The following GRM8 variants were observed in gnomAD, a reference collection of about 807,000 sequenced individuals.
GRM8 encodes the protein glutamate metabotropic receptor 8, also known as metabotropic glutamate receptor 8.
A neutral mutation model predicts 87.2 loss-of-function variants in GRM8; 47 were observed. The observed-to-expected ratio is 0.54, with a 90% confidence interval of 0.43 to 0.69. The LOEUF is 0.69. Ranked by LOEUF, GRM8 falls within the 30% of genes least tolerant of loss-of-function variation. The pLI is 0.00. For synonymous variants in GRM8, 396 were observed against 404.5 expected (o/e 0.98, Z 0.25); for missense variants, 1,019 against 1,139.2 (o/e 0.89, Z 1.52).
rs928460430 is a variant in GRM8, at chr7:127,247,890, T to G, written c.-311-4375A>C. ...GATTTTGTTTGCAAGTTGAGTGACT[T>G]TTTTTCATCAGTGAGAGGATTGTGA... is the stretch of plus-strand genomic sequence containing the variant. On this transcript the variant is annotated intron_variant, in intron 1 of 10. Coordinates refer to ENST00000339582, the MANE Select transcript of GRM8 (RefSeq NM_000845.3). 2.6e-5 allele frequency among the ~76,000 whole-genome samples: 4 copies of G among 152,290 alleles called. No homozygotes were observed. The East Asian group carries it at 5.8e-4, about 22-fold the overall frequency.
intron 3 of GRM8, among the ~76,000 whole-genome samples, chr7:127,031,696 AATC>A (rs1348344349): frequency 9.9e-5 from 15 of 152,184 alleles, no homozygotes; most frequent in Admixed American, 2.6e-4. Flanking sequence ...TTCATAAAAA[AATC>A]ATCGAGTTAT....
At chr7:126,937,685 C>T (rs539069160) in intron 3 of GRM8, among the ~76,000 whole-genome samples, 8 of 152,296 alleles carry the variant, frequency 5.3e-5, no homozygotes, top group Non-Finnish European at 7.4e-5. Context: ...AACAACAAAG[C>T]GCTAACTCCT....
chr7:127,112,038 A>T (rs1032255097), intron 2 of GRM8: 1 of 150,100 alleles, frequency 6.7e-6, no homozygotes, highest in Non-Finnish European at 1.5e-5. Flanking sequence ...AAAAAAAAAC[A>T]CAAAATAGAT....
intron 7 of GRM8, among the ~76,000 whole-genome samples, chr7:126,757,055 T>C (rs750994441): frequency 1.3e-5 from 2 of 152,168 alleles, no homozygotes; most frequent in Non-Finnish European, 2.9e-5. Flanking sequence ...AAATAATTTC[T>C]TCAGCTTTAA....
At chr7:126,702,123 C>T (rs1475920898) in intron 7 of GRM8, among the ~76,000 whole-genome samples, 1 of 152,180 alleles carries the variant, frequency 6.6e-6, no homozygotes. Context: ...CTAGCATTCG[C>T]ACATGCCAAG....
chr7:126,462,056 T>C lies in GRM8; in HGVS notation c.2431-15684A>G, dbSNP rs1030991002. ...TGGAAGTGGCTTGCCAGGCAGCCTTTCAAGGTACCAAAATTAATATAAATG... is the reference window on the plus strand; with the variant it reads ...TGGAAGTGGCTTGCCAGGCAGCCTTCCAAGGTACCAAAATTAATATAAATG... On this transcript the variant is annotated intron_variant, in intron 9 of 10. Coordinates refer to ENST00000339582, the MANE Select transcript of GRM8 (RefSeq NM_000845.3). Among the ~76,000 whole-genome samples, 3 of 151,638 alleles carry C rather than the reference T, an allele frequency of 2.0e-5. No individual in the cohort carries two copies. The Admixed American group carries it at 2.0e-4, about 10-fold the overall frequency.
chr7:127,242,639 G>A (rs1313138314), intron 2 of GRM8, 56 bp downstream of exon 2: 2 of 1,499,124 alleles, frequency 1.3e-6, no homozygotes, highest in Non-Finnish European at 1.8e-6. Flanking sequence ...TGCAGTAGGA[G>A]TCATAGCATT....
chr7:126,987,229 AC>A (rs1426575897), intron 3 of GRM8, among the ~76,000 whole-genome samples: 2 of 152,082 alleles, frequency 1.3e-5, no homozygotes, highest in Admixed American at 6.6e-5. Flanking sequence ...GATCTCAAAC[AC>A]CTAAGGAGAC....
At chr7:126,547,316 T>C (rs1406647565) in intron 8 of GRM8, among the ~76,000 whole-genome samples, 3 of 152,236 alleles carry the variant, frequency 2.0e-5, no homozygotes, top group African/African-American at 7.2e-5. Flanking sequence ...ATAGTCTTTT[T>C]CCCCAATGCA....
chr7:126,634,782 G>A (rs2299483), intron 7 of GRM8, among the ~76,000 whole-genome samples: 46,813 of 151,966 alleles, frequency 0.31, 8,072 homozygotes, highest in East Asian at 0.43. Context: ...ATGAGTATAT[G>A]GAAATATAAG....
At chr7:126,525,531 G>A (rs1813697352) in intron 9 of GRM8, among the ~76,000 whole-genome samples, 1 of 152,092 alleles carries the variant, frequency 6.6e-6, no homozygotes, top group South Asian at 2.1e-4. Context: ...TTTCCCTAAT[G>A]GTCACTCTGA....
At chr7:126,806,881 C>T (rs1792817649) in intron 6 of GRM8, among the ~76,000 whole-genome samples, 1 of 152,224 alleles carries the variant, frequency 6.6e-6, no homozygotes, top group Non-Finnish European at 1.5e-5. Context: ...CGCGCGTCTC[C>T]CTCCACACCT....
chr7:126,464,590 G>T (rs1236787566), intron 9 of GRM8, among the ~76,000 whole-genome samples: 1 of 151,256 alleles, frequency 6.6e-6, no homozygotes, highest in African/African-American at 2.4e-5. Flanking sequence ...ATTTTTCTCT[G>T]TTGGTATGTT....
intron 3 of GRM8, among the ~76,000 whole-genome samples, chr7:127,060,077 C>T: frequency 6.6e-6 from 1 of 152,168 alleles, no homozygotes; most frequent in East Asian, 1.9e-4. Flanking sequence ...TGTTTAGAAA[C>T]TAGACATAAC....
intron 6 of GRM8, among the ~76,000 whole-genome samples, chr7:126,817,332 G>C (rs1044342926): frequency 2.0e-5 from 3 of 152,028 alleles, no homozygotes. Context: ...AAACAACCTA[G>C]AGTAGGCTGT....
chr7:126,919,438 G>A (rs569148468), intron 3 of GRM8, among the ~76,000 whole-genome samples: 91 of 152,230 alleles, frequency 6.0e-4, no homozygotes, highest in African/African-American at 2.1e-3. Flanking sequence ...ATGAACTAGA[G>A]GGTACATCAG....
At chr7:127,106,811 G>A (rs1454696544) in intron 2 of GRM8, 99 bp from the exon 3 acceptor site, 2 of 839,624 alleles carry the variant, frequency 2.4e-6, no homozygotes, top group South Asian at 3.0e-5. Flanking sequence ...CAGAAACCTA[G>A]ACATATCAAC....
chr7:127,014,984 A>G (rs2132139046), intron 3 of GRM8, among the ~76,000 whole-genome samples: 1 of 137,764 alleles, frequency 7.3e-6, no homozygotes, highest in East Asian at 2.2e-4. Flanking sequence ...AAGAAGGAGA[A>G]GAGGAAGAAG....
chr7:126,461,602 CTG>C, intron 9 of GRM8, among the ~76,000 whole-genome samples: 2 of 151,754 alleles, frequency 1.3e-5, no homozygotes, highest in South Asian at 4.1e-4. Context: ...GCCTTTGAAA[CTG>C]TCTTAACATT....
Sources: allele counts gnomAD v4.1 joint callset (sites outside exome capture counted in the v4.1 genomes callset), GRCh38; gene constraint gnomAD v4.1.1; transcripts MANE v1.5; gene names NCBI Gene and HGNC (gene_info 2026-07-23, HGNC 2026-07-21).